The following ABCB1 variants were observed in gnomAD, a reference collection of about 807,000 sequenced individuals.
ABCB1 encodes ATP binding cassette subfamily B member 1, also known as ATP-dependent translocase ABCB1.
A neutral mutation model predicts 142.0 loss-of-function variants in ABCB1; 69 were observed. The ratio of observed to expected loss-of-function variants is 0.49; its 90% CI spans 0.40 to 0.59. The LOEUF (loss-of-function observed/expected upper bound fraction) is 0.59. ABCB1 is among the 20% of genes least tolerant of loss of function. The pLI is 0.00. For missense variants in ABCB1, 1,326 were observed against 1,554.7 expected, an observed-to-expected ratio of 0.85 and a Z score of 2.47; for synonymous variants, 532 against 539.2, an observed-to-expected ratio of 0.99 and a Z score of 0.18.
At chr7:87,541,230 G>A (rs1318554510) in intron 18 of ABCB1, 127 bp downstream of exon 18, 3 of 678,796 alleles carry the variant, frequency 4.4e-6, no homozygotes, top group African/African-American at 3.6e-5. Context: ...AGAAAAACTT[G>A]GCTGTTAGTA....
chr7:87,553,317 CTTT>C (rs941637830), intron 9 of ABCB1, among the ~76,000 whole-genome samples: 2 of 112,658 alleles, frequency 1.8e-5, no homozygotes, highest in Admixed American at 9.2e-5. Flanking sequence ...TTTTTTTCCA[CTTT>C]TTTTTTTTTT....
intron 1 of ABCB1, among the ~76,000 whole-genome samples, chr7:87,616,414 G>A (rs1172592759): frequency 4.6e-5 from 7 of 152,210 alleles, no homozygotes; most frequent in Admixed American, 1.3e-4. Context: ...GCAATCTGGA[G>A]CTGACACAAT....
chr7:87,690,386 A>C (rs183046699), intron 1 of ABCB1, among the ~76,000 whole-genome samples: 2 of 152,226 alleles, frequency 1.3e-5, no homozygotes, highest in Admixed American at 1.3e-4. Flanking sequence ...TTTGCACTTG[A>C]TAAACTTCAA....
chr7:87,508,176 G>T (rs1814835532), intron 26 of ABCB1, among the ~76,000 whole-genome samples: 1 of 152,108 alleles, frequency 6.6e-6, no homozygotes. Context: ...TTTAATACAG[G>T]TTGAGCATCC....
At chr7:87,517,217 C>T (rs1815292354) in intron 23 of ABCB1, among the ~76,000 whole-genome samples, 1 of 152,112 alleles carries the variant, frequency 6.6e-6, no homozygotes, top group African/African-American at 2.4e-5. Context: ...GCACTGTGAC[C>T]TTTGCAGCAC....
At chr7:87,676,876 C>T (rs960442698) in intron 1 of ABCB1, among the ~76,000 whole-genome samples, 6 of 152,016 alleles carry the variant, frequency 3.9e-5, no homozygotes, top group Non-Finnish European at 7.4e-5. Flanking sequence ...AAAAGACACT[C>T]GATATCACTA....
chr7:87,669,819 G>A (rs1177077929), intron 1 of ABCB1, among the ~76,000 whole-genome samples: 1 of 152,128 alleles, frequency 6.6e-6, no homozygotes, highest in African/African-American at 2.4e-5. Flanking sequence ...CTGGCTTGTA[G>A]GGTTTCAGCT....
At chr7:87,690,241 T>G (rs1048734174) in intron 1 of ABCB1, among the ~76,000 whole-genome samples, 1 of 152,162 alleles carries the variant, frequency 6.6e-6, no homozygotes, top group African/African-American at 2.4e-5. Flanking sequence ...TACTTTAATT[T>G]GATGAAGAGT....
At chr7:87,545,834 C>T (rs774603900) in intron 15 of ABCB1, 29 bp downstream of exon 15, 1 of 1,608,986 alleles carries the variant, frequency 6.2e-7, no homozygotes, top group Non-Finnish European at 8.5e-7. Flanking sequence ...ACTGAGATGA[C>T]TTAGGAAAAT....
chr7:87,614,993 C>T (rs1038843223), intron 1 of ABCB1, among the ~76,000 whole-genome samples: 8 of 151,942 alleles, frequency 5.3e-5, no homozygotes, highest in African/African-American at 1.2e-4. Flanking sequence ...TAGAGGTGCC[C>T]GCCACCATGT....
At chr7:87,564,148 C>T (rs1404723480) in intron 7 of ABCB1, 2 of 452,450 alleles carry the variant, frequency 4.4e-6, no homozygotes, top group South Asian at 1.6e-5. Context: ...CCTGCACTTA[C>T]ACCCCTGAAC....
intron 19 of ABCB1, 147 bp downstream of exon 19, chr7:87,539,121 G>A (rs1282331487): frequency 4.7e-6 from 4 of 858,322 alleles, no homozygotes; most frequent in Non-Finnish European, 7.6e-6. Flanking sequence ...CTAGTGGGCG[G>A]TTCAACCGCA....
At chr7:87,653,584 G>A (rs1823793407) in intron 1 of ABCB1, among the ~76,000 whole-genome samples, 1 of 151,976 alleles carries the variant, frequency 6.6e-6, no homozygotes, top group African/African-American at 2.4e-5. Context: ...TATTGGACAG[G>A]TTAGATTATT....
intron 1 of ABCB1, among the ~76,000 whole-genome samples, chr7:87,607,755 C>A (rs6977171): frequency 0.014 from 2,066 of 152,136 alleles, 52 homozygotes; most frequent in African/African-American, 0.047. Context: ...CTATGTTGCC[C>A]AGGCTGGCTA....
At chr7:87,659,230 A>G in intron 1 of ABCB1, 1 of 429,260 alleles carries the variant, frequency 2.3e-6, no homozygotes, top group Non-Finnish European at 4.6e-6. Context: ...GAATATGGGT[A>G]AATACATTAG....
intron 1 of ABCB1, chr7:87,700,581 C>CT: frequency 6.3e-7 from 1 of 1,579,430 alleles, no homozygotes; most frequent in South Asian, 1.2e-5. Context: ...AGACTCGTTT[C>CT]TATTTTTTTT....
Position 87,509,375 on chromosome 7 carries a change from T to C in ABCB1, c.3389A>G (p.Asn1130Ser), listed in dbSNP as rs765229328. 1.2e-6 allele frequency: 2 copies of C among 1,614,178 alleles called. No individual in the cohort carries two copies. The highest frequency in any genetic ancestry group is 1.7e-6 in the Non-Finnish European group (2 of 1,180,024). Reference protein sequence around the residue: ...PILFDCSIAENIAYGDNSRVV... With the variant: ...PILFDCSIAESIAYGDNSRVV... Reference sequence around the variant, plus strand: ...CCGGCTGTTGTCTCCATAGGCAATGTTCTCAGCAATGCTGCAGTCAAACAG... The same window carrying C: ...CCGGCTGTTGTCTCCATAGGCAATGCTCTCAGCAATGCTGCAGTCAAACAG... Residue 1130 changes from asparagine to serine, a missense_variant, in exon 26 of 28, where the codon AAC (asparagine) becomes AGC (serine). Asn to Ser is a conservative substitution (Grantham distance 46). Transcript: ENST00000622132.
intron 7 of ABCB1, among the ~76,000 whole-genome samples, chr7:87,565,780 T>C (rs1457236112): frequency 6.6e-6 from 1 of 152,120 alleles, no homozygotes; most frequent in Non-Finnish European, 1.5e-5. Context: ...TTTTTGTTTT[T>C]GTTTGTTTAC....
At chr7:87,600,215 G>A (rs1455986026) in intron 1 of ABCB1, 25 bp from the exon 2 acceptor site, 2 of 1,599,152 alleles carry the variant, frequency 1.3e-6, no homozygotes, top group South Asian at 1.1e-5. Flanking sequence ...CAGCTCATTA[G>A]CCAAATGCAT....
Sources: allele counts gnomAD v4.1 joint callset (sites outside exome capture counted in the v4.1 genomes callset), GRCh38; gene constraint gnomAD v4.1.1; transcripts MANE v1.5; gene names NCBI Gene and HGNC (gene_info 2026-07-23, HGNC 2026-07-21).